Variants in ME3 observed in about 807,000 individuals in gnomAD.
ME3 encodes the protein malic enzyme 3.
Under a neutral mutation model 68.9 loss-of-function variants are expected in ME3, and 48 were observed. The ratio of observed to expected loss-of-function variants is 0.70; its 90% confidence interval spans 0.55 to 0.89. The LOEUF is 0.89. Ranked by LOEUF, ME3 falls within the 40% of genes least tolerant of loss-of-function variation. The pLI, the probability that ME3 is intolerant of heterozygous loss-of-function variation, is 0.00. For synonymous variants in ME3, 320 were observed against 318.8 expected, an observed-to-expected ratio of 1.00 and a Z score of -0.04; for missense variants, 675 against 797.4, an observed-to-expected ratio of 0.85 and a Z score of 1.85.
chr11:86,667,161 C>A (rs190461001), intron 2 of ME3, among the ~76,000 whole-genome samples: 2 of 152,208 alleles, frequency 1.3e-5, no homozygotes, highest in Non-Finnish European at 2.9e-5. Flanking sequence ...GGCCCCACTA[C>A]GTGAAATGTC....
chr11:86,619,992 T>A (rs1226325483), intron 2 of ME3, among the ~76,000 whole-genome samples: 1 of 151,942 alleles, frequency 6.6e-6, no homozygotes, highest in Non-Finnish European at 1.5e-5. Flanking sequence ...AATTTTCCAG[T>A]GTAGTTATCT....
chr11:86,533,488 T>G (rs935227615), intron 4 of ME3, among the ~76,000 whole-genome samples: 1 of 151,974 alleles, frequency 6.6e-6, no homozygotes, highest in African/African-American at 2.4e-5. Flanking sequence ...AGTAAGGAGA[T>G]TGAATCAGTG....
At chr11:86,490,744 T>C (rs949997939) in intron 6 of ME3, among the ~76,000 whole-genome samples, 5 of 152,206 alleles carry the variant, frequency 3.3e-5, no homozygotes, top group Admixed American at 1.3e-4. Context: ...ACATTCACTT[T>C]GGCAGTTCTT....
chr11:86,459,382 C>G (rs936881372), intron 8 of ME3, among the ~76,000 whole-genome samples: 1 of 152,124 alleles, frequency 6.6e-6, no homozygotes, highest in Admixed American at 6.5e-5. Context: ...TTCCTTCTTC[C>G]CTCCCGTATC....
intron 2 of ME3, among the ~76,000 whole-genome samples, chr11:86,566,120 A>G (rs1207221437): frequency 6.6e-6 from 1 of 152,190 alleles, no homozygotes; most frequent in Non-Finnish European, 1.5e-5. Context: ...AACACTGACA[A>G]TAGTGATCCC....
chr11:86,480,726 A>G (rs1372185617), intron 7 of ME3, among the ~76,000 whole-genome samples: 1 of 152,216 alleles, frequency 6.6e-6, no homozygotes, highest in Non-Finnish European at 1.5e-5. Flanking sequence ...TATTCCCCGC[A>G]TGAAAGCAGC....
chr11:86,561,906 C>G (rs1269313012), intron 2 of ME3, among the ~76,000 whole-genome samples: 1 of 152,146 alleles, frequency 6.6e-6, no homozygotes, highest in African/African-American at 2.4e-5. Flanking sequence ...TTCCTGGAAT[C>G]CCCCAACCTA....
At chr11:86,666,287 G>C (rs1211663986) in intron 2 of ME3, among the ~76,000 whole-genome samples, 3 of 152,142 alleles carry the variant, frequency 2.0e-5, no homozygotes, top group Non-Finnish European at 4.4e-5. Context: ...ATTGGCTTCT[G>C]CGTGGAATTC....
chr11:86,532,929 G>A (rs895533959), intron 4 of ME3, among the ~76,000 whole-genome samples: 5 of 152,132 alleles, frequency 3.3e-5, no homozygotes, highest in Non-Finnish European at 5.9e-5. Flanking sequence ...TCAGGCGACT[G>A]TAATCCTGGC....
chr11:86,639,935 C>T (rs146657753), intron 2 of ME3, among the ~76,000 whole-genome samples: 64 of 152,304 alleles, frequency 4.2e-4, no homozygotes, highest in Middle Eastern at 6.8e-3. Context: ...GTGAGCAGAG[C>T]TGATGGGAAT....
chr11:86,487,551 G>A (rs946718650), intron 6 of ME3, 111 bp from the exon 7 acceptor site: 3 of 825,368 alleles, frequency 3.6e-6, no homozygotes, highest in South Asian at 3.2e-5. Flanking sequence ...GAGGAGAGGG[G>A]GGAGTAAGAA....
At chr11:86,618,690 A>T (rs149099205) in intron 2 of ME3, among the ~76,000 whole-genome samples, 1 of 151,044 alleles carries the variant, frequency 6.6e-6, no homozygotes, top group Non-Finnish European at 1.5e-5. Context: ...TGTCCTCATG[A>T]TAGTAAATGA....
chr11:86,493,572 C>CTGCATG (rs1952126033), intron 6 of ME3, among the ~76,000 whole-genome samples: 5 of 152,244 alleles, frequency 3.3e-5, no homozygotes, highest in African/African-American at 1.2e-4. Flanking sequence ...TAGTCTGTGA[C>CTGCATG]TGGCTGCATG....
intron 5 of ME3, among the ~76,000 whole-genome samples, chr11:86,505,345 G>A (rs934581478): frequency 3.3e-5 from 5 of 152,168 alleles, no homozygotes; most frequent in African/African-American, 7.2e-5. Context: ...ATCAGCTCTA[G>A]TGGACCTGTT....
chr11:86,626,840 C>A (rs1943695611), intron 2 of ME3, among the ~76,000 whole-genome samples: 1 of 152,194 alleles, frequency 6.6e-6, no homozygotes, highest in African/African-American at 2.4e-5. Flanking sequence ...TGTCACCTAG[C>A]CAACAACTTT....
chr11:86,592,562 G>A (rs1420789544), intron 2 of ME3, among the ~76,000 whole-genome samples: 1 of 152,168 alleles, frequency 6.6e-6, no homozygotes, highest in African/African-American at 2.4e-5. Flanking sequence ...TAGAGACAGT[G>A]TTTGGGAATC....
intron 2 of ME3, among the ~76,000 whole-genome samples, chr11:86,603,861 C>T (rs1035647825): frequency 6.9e-5 from 10 of 145,762 alleles, no homozygotes; most frequent in Middle Eastern, 3.7e-3. Flanking sequence ...AACCAAGCAC[C>T]GCATGTTCTC....
intron 2 of ME3, among the ~76,000 whole-genome samples, chr11:86,670,299 A>G (rs1304620687): frequency 2.0e-5 from 3 of 152,238 alleles, no homozygotes; most frequent in African/African-American, 4.8e-5. Flanking sequence ...TAACGAAGTG[A>G]GAGACTTCAC....
intron 8 of ME3, among the ~76,000 whole-genome samples, chr11:86,455,898 TAAAG>T (rs1279567359): frequency 2.0e-5 from 3 of 152,136 alleles, no homozygotes; most frequent in Non-Finnish European, 2.9e-5. Flanking sequence ...TTAAATCACT[TAAAG>T]AAAGGGCGAG....
Sources: gnomAD v4.1 joint callset for allele counts (sites outside exome capture counted in the v4.1 genomes callset) on GRCh38, gnomAD v4.1.1 for gene constraint, MANE v1.5 for transcripts, NCBI Gene and HGNC (gene_info 2026-07-23, HGNC 2026-07-21) for gene names.